CDH4: variants seen among roughly 807,000 people sequenced by gnomAD.
CDH4 encodes cadherin-4.
A neutral mutation model predicts 86.0 loss-of-function variants in CDH4; 33 were observed. That is an observed-to-expected ratio of 0.38 (90% confidence interval 0.29 to 0.51). CDH4 has a LOEUF of 0.51. Ranked by LOEUF, CDH4 falls within the 20% of genes least tolerant of loss-of-function variation. The pLI, the probability that CDH4 is intolerant of heterozygous loss-of-function variation, is 0.86. For missense variants in CDH4, 1,114 were observed against 1,307.4 expected (o/e 0.85, Z 2.28); for synonymous variants, 555 against 549.4 (o/e 1.01, Z -0.14).
At chr20:61,889,226 G>A (rs1364818746) in intron 7 of CDH4, among the ~76,000 whole-genome samples, 1 of 152,220 alleles carries the variant, frequency 6.6e-6, no homozygotes, top group East Asian at 1.9e-4. Flanking sequence ...ATGGATGGAT[G>A]AGAGGACCTC....
intron 4 of CDH4, among the ~76,000 whole-genome samples, chr20:61,839,419 T>C (rs2146093375): frequency 1.3e-5 from 2 of 151,820 alleles, no homozygotes; most frequent in Admixed American, 1.3e-4. Flanking sequence ...TGTGTGCGTG[T>C]GTGTGTGATG....
intron 2 of CDH4, among the ~76,000 whole-genome samples, chr20:61,505,809 G>A (rs1160348330): frequency 1.3e-5 from 2 of 151,452 alleles, no homozygotes; most frequent in East Asian, 1.9e-4. Flanking sequence ...CAGTCCTCAC[G>A]CTGCTTATGT....
intron 2 of CDH4, among the ~76,000 whole-genome samples, chr20:61,707,207 A>G (rs1291084609): frequency 6.6e-6 from 1 of 152,230 alleles, no homozygotes; most frequent in Non-Finnish European, 1.5e-5. Flanking sequence ...GAGCTCCCTG[A>G]GGACAGCACC....
intron 2 of CDH4, among the ~76,000 whole-genome samples, chr20:61,283,550 G>A (rs1600832859): frequency 7.1e-6 from 1 of 140,440 alleles, no homozygotes; most frequent in East Asian, 2.2e-4. Context: ...CGCGTGTGCT[G>A]TGGTGTGTGA....
intron 2 of CDH4, among the ~76,000 whole-genome samples, chr20:61,679,560 ACTAGCTGCT>A (rs2087485621): frequency 6.6e-6 from 1 of 152,188 alleles, no homozygotes; most frequent in Non-Finnish European, 1.5e-5. Context: ...CCAGGAAGCC[ACTAGCTGCT>A]GGGGATGTCA....
intron 2 of CDH4, among the ~76,000 whole-genome samples, chr20:61,418,227 C>CTTTTTTTTTT (rs1568836925): frequency 2.9e-5 from 4 of 136,572 alleles, no homozygotes; most frequent in African/African-American, 1.1e-4. Flanking sequence ...TTTTTTTTCC[C>CTTTTTTTTTT]TGAGACAGAG....
chr20:61,431,359 G>GTTTTTT (rs34959436), intron 2 of CDH4, among the ~76,000 whole-genome samples: 1 of 129,968 alleles, frequency 7.7e-6, no homozygotes, highest in African/African-American at 2.9e-5. Context: ...TTTTTTGTTG[G>GTTTTTT]TTTTTTTTTT....
intron 2 of CDH4, among the ~76,000 whole-genome samples, chr20:61,427,313 C>T (rs965984247): frequency 3.3e-5 from 5 of 152,112 alleles, no homozygotes; most frequent in Admixed American, 1.3e-4. Context: ...CCCATTTCTC[C>T]GTGGGCCAAG....
rs11481455 is a variant in CDH4 at position 61,937,249 on chromosome 20, G to GAAAAAAAAAAAAAAAA, written c.*307_*322dup. ...AAAAAAAAAAAAAAGAAGAAAGAAAGAAAAAAAAAAAAAAAAGAAAGTGCC... is the reference window on the plus strand; with the variant it reads ...AAAAAAAAAAAAAAGAAGAAAGAAAGAAAAAAAAAAAAAAAAAAAAAAAAAAAAAAAAGAAAGTGCC... On this transcript the variant is annotated 3_prime_UTR_variant, in exon 16 of 16. Coordinates refer to ENST00000614565, the MANE Select transcript of CDH4 (RefSeq NM_001794.5). 1 of 109,708 alleles carries GAAAAAAAAAAAAAAAA rather than the reference G, an allele frequency of 9.1e-6. No homozygotes were observed. The allele number at this position is 109,708 out of a possible 1,614,324, so 6.8% of individuals were successfully genotyped here.
At chr20:61,410,138 C>T (rs114516277) in intron 2 of CDH4, among the ~76,000 whole-genome samples, 240 of 152,304 alleles carry the variant, frequency 1.6e-3, no homozygotes, top group African/African-American at 5.4e-3. Flanking sequence ...TATGGAGAAG[C>T]CTGGTGACAT....
At chr20:61,750,426 A>C (rs1424170167) in intron 3 of CDH4, among the ~76,000 whole-genome samples, 3 of 152,248 alleles carry the variant, frequency 2.0e-5, no homozygotes, top group Non-Finnish European at 4.4e-5. Flanking sequence ...CTAACATAAG[A>C]AAAAATCCTG....
intron 2 of CDH4, among the ~76,000 whole-genome samples, chr20:61,557,508 C>T (rs2086186390): frequency 6.6e-6 from 1 of 152,218 alleles, no homozygotes; most frequent in African/African-American, 2.4e-5. Context: ...CCCTCCAGGA[C>T]CTTGGTCTGC....
intron 2 of CDH4, among the ~76,000 whole-genome samples, chr20:61,296,788 C>T (rs1271015324): frequency 6.6e-6 from 1 of 152,050 alleles, no homozygotes; most frequent in East Asian, 1.9e-4. Flanking sequence ...CTGAACTGGG[C>T]GTTTCAGGCC....
chr20:61,494,207 C>T (rs2085643683), intron 2 of CDH4, among the ~76,000 whole-genome samples: 1 of 152,200 alleles, frequency 6.6e-6, no homozygotes, highest in African/African-American at 2.4e-5. Context: ...GCTGTTCATC[C>T]TCAAACTCGA....
intron 2 of CDH4, among the ~76,000 whole-genome samples, chr20:61,366,250 C>G (rs566678011): frequency 2.6e-5 from 4 of 152,316 alleles, no homozygotes; most frequent in South Asian, 2.1e-4. Flanking sequence ...TAGCAGTTCT[C>G]TGCAGTCCTG....
At position 61,681,713 on chromosome 20, in the gene CDH4, C is replaced by T. The variant is rs970648515; in HGVS notation, c.170-61850C>T. On this transcript the variant is annotated intron_variant, in intron 2 of 15. Coordinates refer to ENST00000614565, the MANE Select transcript of CDH4 (RefSeq NM_001794.5). The surrounding 1 kb of genome is among the most constrained non-coding windows in gnomAD (Gnocchi z 4.5). ...TTTCTGGGCATCGGGAAAGTCCGGG[C>T]TCAGTGCATGTGGAGCTGCCACCCT... 2.6e-5 allele frequency among the ~76,000 whole-genome samples: 4 copies of T among 152,204 alleles called. No individual in the cohort carries two copies. The highest frequency in any genetic ancestry group is 9.7e-5 in the African/African-American group (4 of 41,446).
At chr20:61,898,584 G>T (rs1297808821) in intron 8 of CDH4, among the ~76,000 whole-genome samples, 1 of 152,112 alleles carries the variant, frequency 6.6e-6, no homozygotes, top group Non-Finnish European at 1.5e-5. Context: ...CTTCCTCCAG[G>T]CCACCCCCAC....
At position 61,375,862 on chromosome 20, in the gene CDH4, A is replaced by T. The variant is rs1224423970; in HGVS notation, c.169+120925A>T. On this transcript the variant is annotated intron_variant, in intron 2 of 15. Transcript: ENST00000614565. ...GGTGTGGTTTGTTGATGGTAGTGTGATGCTCTTGGTGCTGGTGGTGGTGAT... is the reference window on the plus strand; with the variant it reads ...GGTGTGGTTTGTTGATGGTAGTGTGTTGCTCTTGGTGCTGGTGGTGGTGAT... 5.1e-5 allele frequency among the ~76,000 whole-genome samples: 4 copies of T among 79,074 alleles called. No homozygotes were observed. The Admixed American group carries it at 5.4e-4, about 11-fold the overall frequency. 51.9% of individuals were successfully genotyped at this position (79,074 alleles called of 152,430 possible).
Position 61,932,978 on chromosome 20 carries a change from C to A in CDH4, c.2240-7C>A. 6.2e-7 allele frequency: 1 copy of A among 1,610,430 alleles called. No individual in the cohort carries two copies. Among genetic ancestry groups the A allele is most frequent in the East Asian group, 2.2e-5 (1 of 44,780 alleles). On this transcript the variant is annotated splice_region_variant and splice_polypyrimidine_tract_variant and intron_variant, in intron 13 of 15. Coordinates refer to ENST00000614565, the MANE Select transcript of CDH4 (RefSeq NM_001794.5). ...ACACCCTGCTCACGGGCAGCCCTCCCCCACAGCCATGGTCCTGCTGTTTGT... is the reference window on the plus strand; with the variant it reads ...ACACCCTGCTCACGGGCAGCCCTCCACCACAGCCATGGTCCTGCTGTTTGT...
Sources: allele counts gnomAD v4.1 joint callset (sites outside exome capture counted in the v4.1 genomes callset), GRCh38; gene constraint gnomAD v4.1.1; non-coding constraint Gnocchi (gnomAD v3.1); transcripts MANE v1.5; gene names NCBI Gene and HGNC (gene_info 2026-07-23, HGNC 2026-07-21).